Variants in TJP2 observed in about 807,000 individuals in gnomAD.
TJP2 encodes Friedreich ataxia region gene X104 (tight junction protein ZO-2).
A neutral mutation model predicts 133.1 loss-of-function variants in TJP2; 91 were observed. The observed-to-expected ratio is 0.68, with a 90% CI of 0.58 to 0.81. The LOEUF is 0.81. Ranked by LOEUF, TJP2 falls within the 40% of genes least tolerant of loss-of-function variation. The pLI, the probability that TJP2 is intolerant of heterozygous loss-of-function variation, is 0.00. For missense variants in TJP2, 1,541 were observed against 1,565.6 expected, an observed-to-expected ratio of 0.98 and a Z score of 0.26; for synonymous variants, 592 against 583.4, an observed-to-expected ratio of 1.01 and a Z score of -0.21.
At chr9:69,200,288 G>C (rs1410262097) in intron 1 of TJP2, among the ~76,000 whole-genome samples, 7 of 152,190 alleles carry the variant, frequency 4.6e-5, no homozygotes, top group Non-Finnish European at 1.0e-4. Flanking sequence ...CTGTGGGAGA[G>C]GGAGCCTCCC....
At chr9:69,230,353 T>C in intron 11 of TJP2, 121 bp downstream of exon 11, 3 of 1,283,158 alleles carry the variant, frequency 2.3e-6, no homozygotes, top group Non-Finnish European at 3.3e-6. Context: ...TGCAAGTTTG[T>C]TGATGCCCAG....
intron 1 of TJP2, among the ~76,000 whole-genome samples, chr9:69,146,315 T>C (rs534245089): frequency 2.2e-4 from 34 of 152,334 alleles, no homozygotes; most frequent in South Asian, 4.1e-4. Context: ...GTTGAGAAGT[T>C]CTTTATGCAT....
In TJP2 at chr9:69,174,334, G is replaced by T; in HGVS notation, c.-39G>T. ...GGAGCAGGAGCAGAAGCAGAAGCGG[G>T]GTCCGGAGCTGCGCGCCTACGCGGG... On this transcript the variant is annotated 5_prime_UTR_variant, in exon 1 of 23. Transcript: ENST00000377245. The T allele has an allele frequency of 6.4e-7, 1 of 1,551,082 alleles. No homozygotes were observed. The highest frequency in any genetic ancestry group is 2.4e-5 in the East Asian group (1 of 40,908).
At chr9:69,184,775 C>T (rs1422724675) in intron 1 of TJP2, among the ~76,000 whole-genome samples, 8 of 119,268 alleles carry the variant, frequency 6.7e-5, no homozygotes, top group African/African-American at 9.5e-5. Flanking sequence ...TTTTTTGAGA[C>T]GGGCTTGCTC....
In TJP2 at chr9:69,221,559, A is replaced by T. The variant is rs551086173; in HGVS notation, c.952+63A>T. 8 of 1,292,092 alleles carry T rather than the reference A, an allele frequency of 6.2e-6. No individual in the cohort carries two copies. The Admixed American group carries it at 1.2e-4, about 19-fold the overall frequency. The allele number at this position is 1,292,092 out of a possible 1,614,324, so 80.0% of individuals were successfully genotyped here. A position where few individuals can be genotyped will look rare whatever the true frequency, so the allele number is the denominator to read the frequency against. On this transcript the variant is annotated intron_variant, in intron 5 of 22. Coordinates refer to ENST00000377245, the MANE Select transcript of TJP2 (RefSeq NM_004817.4). ...GATATGAATAACCTTTGTTTTCTTA[A>T]TTTTTTTTTTTCCCCCGAAAGTGTT...
chr9:69,217,506 A>G (rs1828481660), intron 3 of TJP2, among the ~76,000 whole-genome samples: 1 of 152,086 alleles, frequency 6.6e-6, no homozygotes. Context: ...CCAGGTGTTC[A>G]AGATCAGCCT....
At position 69,215,399 on chromosome 9, in the gene TJP2, T is replaced by TTG. The variant is rs201277509; in HGVS notation, c.115-939_115-938insGT. ...CAGCTAGAAAGTTGTGGTTTTTTTT[T>TTG]TTTGTTTTTTAGAGACTTCTCCATT... On this transcript the variant is annotated intron_variant, in intron 2 of 22. Coordinates refer to ENST00000377245, the MANE Select transcript of TJP2 (RefSeq NM_004817.4). Among the ~76,000 whole-genome samples the TTG allele has an allele frequency of 8.1e-3, 1,232 of 151,764 alleles. 12 individuals are homozygous for TTG. Among genetic ancestry groups the TTG allele is most frequent in the Non-Finnish European group, 0.011 (728 of 67,874 alleles).
At chr9:69,238,551 T>G (rs982758274) in intron 15 of TJP2, among the ~76,000 whole-genome samples, 159 bp from the exon 16 acceptor site, 3 of 152,236 alleles carry the variant, frequency 2.0e-5, no homozygotes, top group Non-Finnish European at 4.4e-5. Flanking sequence ...TTCTTCATGA[T>G]TAGATTTCCA....
intron 11 of TJP2, among the ~76,000 whole-genome samples, chr9:69,233,905 A>G (rs1829973954): frequency 6.6e-6 from 1 of 152,212 alleles, no homozygotes; most frequent in Non-Finnish European, 1.5e-5. Flanking sequence ...AATTTTATAA[A>G]CACATGTTAA....
At chr9:69,161,057 G>A (rs1824041679) in intron 2 of TJP2, among the ~76,000 whole-genome samples, 1 of 152,236 alleles carries the variant, frequency 6.6e-6, no homozygotes, top group Non-Finnish European at 1.5e-5. Context: ...TATGCTTGCA[G>A]TGTCAGCTTT....
chr9:69,153,309 G>A (rs953310249), intron 2 of TJP2, among the ~76,000 whole-genome samples: 9 of 152,054 alleles, frequency 5.9e-5, no homozygotes, highest in African/African-American at 9.7e-5. Context: ...TTGTCTGGGC[G>A]CGGTGGCTCA....
intron 2 of TJP2, among the ~76,000 whole-genome samples, chr9:69,215,390 G>GTTT (rs547985228): frequency 4.1e-4 from 62 of 149,562 alleles, no homozygotes; most frequent in Admixed American, 1.7e-3. Flanking sequence ...GAAAGTTGTG[G>GTTT]TTTTTTTTTT....
intron 1 of TJP2, among the ~76,000 whole-genome samples, chr9:69,177,642 G>GT (rs150840240): frequency 0.11 from 16,167 of 151,470 alleles, 941 homozygotes; most frequent in South Asian, 0.17. Flanking sequence ...TTTTATTTTT[G>GT]TTTTTTTGGT....
chr9:69,155,227 C>CAAA (rs58935075), intron 2 of TJP2, among the ~76,000 whole-genome samples: 34 of 98,748 alleles, frequency 3.4e-4, no homozygotes, highest in African/African-American at 8.8e-4. Flanking sequence ...ACTCCATTTC[C>CAAA]AAAAAAAAAA....
In TJP2 at chr9:69,133,692, C is replaced by G. The variant is rs182381020; in HGVS notation, c.-131+11967C>G. 1.1e-3 allele frequency among the ~76,000 whole-genome samples: 169 copies of G among 151,960 alleles called. 1 individual carries two copies. Among genetic ancestry groups the G allele is most frequent in the African/African-American group, 3.9e-3 (160 of 41,478 alleles). On this transcript the variant is annotated intron_variant, in intron 1 of 5. Transcript: ENST00000423935. ...TCAGCCTCCTGAGTAGCTGGGACTA[C>G]AGCGTGCACCATCATGCCCAGCTAA...
chr9:69,155,493 G>T (rs527780865), intron 2 of TJP2, among the ~76,000 whole-genome samples: 3 of 152,244 alleles, frequency 2.0e-5, no homozygotes, highest in African/African-American at 4.8e-5. Context: ...CACCCCCAGG[G>T]TTTCTGCTTC....
At chr9:69,239,258 C>G (rs376956438) in intron 16 of TJP2, among the ~76,000 whole-genome samples, 3 of 148,998 alleles carry the variant, frequency 2.0e-5, no homozygotes, top group African/African-American at 7.5e-5. Flanking sequence ...TGGCAGTGAG[C>G]GGAGATTGCA....
Position 69,234,184 on chromosome 9 carries a change from C to T in TJP2, c.1672-255C>T, listed in dbSNP as rs186219656. Among the ~76,000 whole-genome samples, 7 of 152,164 alleles carry T rather than the reference C, an allele frequency of 4.6e-5. No individual in the cohort carries two copies. The East Asian group carries it at 1.4e-3, about 29-fold the overall frequency. ...CAGATCCTTGCTTCAATGGCTTAAC[C>T]TCTAAGGTGCGGTTGGCAGTATGGG... is the stretch of plus-strand genomic sequence containing the variant. On this transcript the variant is annotated intron_variant, in intron 11 of 22. Coordinates refer to ENST00000377245, the MANE Select transcript of TJP2 (RefSeq NM_004817.4).
At chr9:69,169,258 C>T (rs1287134322) in intron 2 of TJP2, among the ~76,000 whole-genome samples, 4 of 151,740 alleles carry the variant, frequency 2.6e-5, no homozygotes, top group African/African-American at 4.8e-5. Context: ...ATATGGTAGG[C>T]ATTCAAGAAA....
Sources: allele counts gnomAD v4.1 joint callset (sites outside exome capture counted in the v4.1 genomes callset), GRCh38; gene constraint gnomAD v4.1.1; transcripts MANE v1.5; gene names NCBI Gene and HGNC (gene_info 2026-07-23, HGNC 2026-07-21).